The following KLF8 variants were observed in gnomAD, a reference collection of about 807,000 sequenced individuals.
The protein encoded by KLF8 is KLF transcription factor 8.
A neutral mutation model predicts 18.2 loss-of-function variants in KLF8; 10 were observed. The observed-to-expected ratio is 0.55, with a 90% CI of 0.34 to 0.93. KLF8 has a LOEUF of 0.93. Ranked by LOEUF, KLF8 falls within the 40% of genes least tolerant of loss-of-function variation. The pLI, the probability that KLF8 is intolerant of heterozygous loss-of-function variation, is 0.02. For missense variants in KLF8, 264 were observed against 277.9 expected, an observed-to-expected ratio of 0.95 and a Z score of 0.36; for synonymous variants, 109 against 97.3, an observed-to-expected ratio of 1.12 and a Z score of -0.71.
At chrX:56,140,656 T>C in the KLF8 span, among the ~76,000 whole-genome samples, 1 of 109,860 alleles carries the variant, frequency 9.1e-6, no homozygotes, top group Non-Finnish European at 1.9e-5. Flanking sequence ...TTGAGTACTA[T>C]GTTTATTACC....
chrX:55,914,942 T>C, the KLF8 span, among the ~76,000 whole-genome samples: 1 of 111,178 alleles, frequency 9.0e-6, no homozygotes, highest in African/African-American at 3.3e-5. Context: ...AAACAGCTGC[T>C]TTCAGTACTG....
the KLF8 span, among the ~76,000 whole-genome samples, chrX:55,984,538 T>C: frequency 8.9e-6 from 1 of 111,763 alleles, no homozygotes; most frequent in African/African-American, 3.3e-5. Flanking sequence ...TGGGCATTTG[T>C]GTTGATTGCA....
the KLF8 span, among the ~76,000 whole-genome samples, chrX:56,054,429 T>A: frequency 8.9e-6 from 1 of 112,073 alleles, no homozygotes; most frequent in South Asian, 3.7e-4. Context: ...TTTATTATTT[T>A]TTTGTGCTGT....
At chrX:55,966,915 A>C in the KLF8 span, among the ~76,000 whole-genome samples, 1 of 112,078 alleles carries the variant, frequency 8.9e-6, no homozygotes, top group Non-Finnish European at 1.9e-5. Flanking sequence ...CTATCCGATA[A>C]ATTTAACAGA....
chrX:56,007,138 A>C, the KLF8 span, among the ~76,000 whole-genome samples: 2 of 112,205 alleles, frequency 1.8e-5, no homozygotes, highest in Non-Finnish European at 3.8e-5. Context: ...GAGGCAGCCT[A>C]TCCAGTGCAC....
the KLF8 span, among the ~76,000 whole-genome samples, chrX:56,100,047 G>C: frequency 9.0e-6 from 1 of 111,463 alleles, no homozygotes; most frequent in Non-Finnish European, 1.9e-5. Flanking sequence ...GAGAAGAGAA[G>C]TCAATGCCTG....
the KLF8 span, among the ~76,000 whole-genome samples, chrX:56,048,123 T>A: frequency 7.1e-5 from 8 of 112,034 alleles, no homozygotes; most frequent in Non-Finnish European, 1.1e-4. Flanking sequence ...TGTTTGTTTT[T>A]TTCTTGTAAA....
the KLF8 span, among the ~76,000 whole-genome samples, chrX:56,220,024 G>A: frequency 8.9e-6 from 1 of 111,988 alleles, no homozygotes; most frequent in Non-Finnish European, 1.9e-5. Context: ...AGTAATGCAT[G>A]TATAGTGCTA....
At chrX:56,266,187 T>C in intron 3 of KLF8, 1 of 758,040 alleles carries the variant, frequency 1.3e-6, no homozygotes. Context: ...CAGAATGCTT[T>C]GGTGGGAAAG....
At chrX:56,154,935 C>A in the KLF8 span, among the ~76,000 whole-genome samples, 1 of 111,817 alleles carries the variant, frequency 8.9e-6, no homozygotes, top group South Asian at 3.7e-4. Context: ...GAAAAGTGAT[C>A]ATTAAAAAGT....
At chrX:56,174,395 C>T in the KLF8 span, among the ~76,000 whole-genome samples, 1 of 111,648 alleles carries the variant, frequency 9.0e-6, no homozygotes, top group Non-Finnish European at 1.9e-5. Flanking sequence ...TGTTGGATTA[C>T]GTTTATTAAT....
At chrX:56,037,787 C>T in the KLF8 span, among the ~76,000 whole-genome samples, 1 of 111,462 alleles carries the variant, frequency 9.0e-6, no homozygotes, top group African/African-American at 3.3e-5. Flanking sequence ...GTATCCATCC[C>T]CTCAAGCATT....
chrX:56,213,295 TTTTC>T, the KLF8 span, among the ~76,000 whole-genome samples: 1 of 47,281 alleles, frequency 2.1e-5, no homozygotes, highest in Non-Finnish European at 4.0e-5. Context: ...TTTTCTTTTC[TTTTC>T]TTTTCTTTTC....
the KLF8 span, among the ~76,000 whole-genome samples, chrX:56,178,599 G>A: frequency 1.4e-4 from 16 of 112,296 alleles, no homozygotes; most frequent in African/African-American, 5.2e-4. Flanking sequence ...TTTTCTTCTA[G>A]GGTTTTTATA....
chrX:56,047,152 G>C, the KLF8 span, among the ~76,000 whole-genome samples: 1 of 109,697 alleles, frequency 9.1e-6, no homozygotes, highest in Middle Eastern at 4.7e-3. Context: ...TGACTCTATT[G>C]CTGAGACTTT....
chrX:56,071,294 G>A, the KLF8 span, among the ~76,000 whole-genome samples: 2 of 111,830 alleles, frequency 1.8e-5, no homozygotes, highest in African/African-American at 6.5e-5. Flanking sequence ...AGCGTAATGA[G>A]GTAGAAGATT....
chrX:56,186,676 C>G, the KLF8 span, among the ~76,000 whole-genome samples: 1 of 111,921 alleles, frequency 8.9e-6, no homozygotes, highest in Non-Finnish European at 1.9e-5. Context: ...AACAAACTGT[C>G]TCTCAGACCA....
chrX:56,129,388 C>T, the KLF8 span, among the ~76,000 whole-genome samples: 1 of 112,042 alleles, frequency 8.9e-6, no homozygotes, highest in Non-Finnish European at 1.9e-5. Context: ...TGTCCACTCC[C>T]GAGCACACAC....
chrX:56,097,865 T>A, the KLF8 span, among the ~76,000 whole-genome samples: 1 of 109,011 alleles, frequency 9.2e-6, no homozygotes. Flanking sequence ...GGTGACAAAC[T>A]AGATCAGTAA....
Sources: gnomAD v4.1 joint callset for allele counts (sites outside exome capture counted in the v4.1 genomes callset) on GRCh38, gnomAD v4.1.1 for gene constraint, MANE v1.5 for transcripts, NCBI Gene and HGNC (gene_info 2026-07-23, HGNC 2026-07-21) for gene names.